Variants in ITPRIPL2 observed in about 807,000 individuals in gnomAD.
ITPRIPL2 encodes the protein ITPRIP like 2, also known as inositol 1,4,5-trisphosphate receptor-interacting protein-like 2.
In ITPRIPL2, 29 loss-of-function variants were observed where a neutral mutation model predicts 31.7. That is an observed-to-expected ratio of 0.91 (90% CI 0.68 to 1.25). The LOEUF is 1.25. ITPRIPL2 is among the 50% of genes most tolerant of loss of function. The pLI is 0.00. For missense variants in ITPRIPL2, 696 were observed against 739.1 expected (o/e 0.94, Z 0.68); for synonymous variants, 344 against 343.4 (o/e 1.00, Z -0.02).
Position 19,115,111 on chromosome 16 carries a change from C to A in ITPRIPL2, c.650C>A (p.Pro217Gln). The A allele has an allele frequency of 6.2e-7, 1 of 1,601,320 alleles. No homozygotes were observed. Among genetic ancestry groups the A allele is most frequent in the Non-Finnish European group, 8.5e-7 (1 of 1,179,888 alleles). Reference protein sequence around the residue: ...FLCALKAPPSPSGASGGHWLR... With the variant: ...FLCALKAPPSQSGASGGHWLR... ...TGCGCCCTCAAGGCACCACCCTCAC[C>A]ATCGGGGGCCTCGGGGGGCCACTGG... Residue 217 changes from proline to glutamine, a missense_variant, in exon 1 of 1, where the codon CCA becomes CAA. Transcript: ENST00000381440.
rs756894520 is a variant in ITPRIPL2, at chr16:19,118,853, G to A, written c.*2784G>A. 1.2e-4 allele frequency: 51 copies of A among 411,528 alleles called. No individual in the cohort carries two copies. Among genetic ancestry groups the A allele is most frequent in the Non-Finnish European group, 1.1e-4 (25 of 225,512 alleles). The allele number at this position is 411,528 out of a possible 1,614,324, so 25.5% of individuals were successfully genotyped here. Reference sequence around the variant, plus strand: ...TATGGCATATTAGCCAGGCATGATGGTTGCCCAAGACAGTTAAATTAAGCT... The same window carrying A: ...TATGGCATATTAGCCAGGCATGATGATTGCCCAAGACAGTTAAATTAAGCT... On this transcript the variant is annotated 3_prime_UTR_variant, in exon 1 of 1. Transcript: ENST00000381440.
Position 19,114,062 on chromosome 16 carries a change from G to C in ITPRIPL2, c.-400G>C. The C allele has an allele frequency of 2.5e-6, 1 of 397,828 alleles. No individual in the cohort carries two copies. The highest frequency in any genetic ancestry group is 4.4e-6 in the Non-Finnish European group (1 of 225,526). 24.6% of individuals were successfully genotyped at this position (397,828 alleles called of 1,614,324 possible). A position where few individuals can be genotyped will look rare whatever the true frequency, so the allele number is the denominator to read the frequency against. On this transcript the variant is annotated 5_prime_UTR_variant, in exon 1 of 1. Transcript: ENST00000381440. ...TCCCCCTCGGAAGAGGAAACTCCCGGGGTCCGAGTAACAGGGTCAGGCGCG... is the reference window on the plus strand; with the variant it reads ...TCCCCCTCGGAAGAGGAAACTCCCGCGGTCCGAGTAACAGGGTCAGGCGCG...
Position 19,115,304 on chromosome 16 carries a change from T to C in ITPRIPL2, c.843T>C (p.Gly281=). The C allele has an allele frequency of 6.2e-7, 1 of 1,613,286 alleles. No homozygotes were observed. The part of the protein sequence containing the change: ...EGRCRVTLTP[G]GLEQPPTLHI... ...GCTGTCGGGTCACCTTGACCCCAGG[T>C]GGCCTGGAACAGCCCCCCACCTTAC... The change falls in exon 1 of 1, where the codon GGT becomes GGC. Residue 281 remains glycine, a synonymous_variant. Transcript: ENST00000381440.
rs1384493198 is a variant in ITPRIPL2 at position 19,118,184 on chromosome 16, G to A, written c.*2115G>A. On this transcript the variant is annotated 3_prime_UTR_variant, in exon 1 of 1. Transcript: ENST00000381440. ...GTTGGAAGGATTATAAAGCTTTAAG[G>A]CTGGGCGTGGTGGCTCACGCCTGTA... The A allele has an allele frequency of 6.0e-6, 1 of 166,762 alleles. No homozygotes were observed. The highest frequency in any genetic ancestry group is 1.9e-4 in the East Asian group (1 of 5,196). The allele number at this position is 166,762 out of a possible 1,614,324, so 10.3% of individuals were successfully genotyped here.
In ITPRIPL2 at chr16:19,117,253, G is replaced by C. The variant is rs979878596; in HGVS notation, c.*1184G>C. 1 of 167,150 alleles carries C rather than the reference G, an allele frequency of 6.0e-6. No homozygotes were observed. The highest frequency in any genetic ancestry group is 1.5e-5 in the Non-Finnish European group (1 of 68,150). The allele number at this position is 167,150 out of a possible 1,614,324, so 10.4% of individuals were successfully genotyped here. A position where few individuals can be genotyped will look rare whatever the true frequency, so the allele number is the denominator to read the frequency against. ...TTCTTCCTTGTCCAGGCAGTCTTAC[G>C]TGGTCCAAGAGACCTGTTGATTCAG... On this transcript the variant is annotated 3_prime_UTR_variant, in exon 1 of 1. Coordinates refer to ENST00000381440, the MANE Select transcript of ITPRIPL2 (RefSeq NM_001034841.4).
chr16:19,114,885 C>G lies in ITPRIPL2; in HGVS notation c.424C>G (p.Leu142Val). The G allele has an allele frequency of 6.2e-7, 1 of 1,608,504 alleles. No individual in the cohort carries two copies. The highest frequency in any genetic ancestry group is 8.5e-7 in the Non-Finnish European group (1 of 1,178,142). ...RAGRARGSPG[L>V]IPGGALALAF... ...TGGCCGCGCCCGGGGGTCCCCCGGT[C>G]TCATTCCTGGGGGAGCGCTGGCCTT... Residue 142 changes from leucine (L) to valine (V), a missense_variant, in exon 1 of 1, where the codon CTC becomes GTC. By Grantham distance (32) the Leu-to-Val change is conservative. Coordinates refer to ENST00000381440, the MANE Select transcript of ITPRIPL2 (RefSeq NM_001034841.4).
At position 19,120,024 on chromosome 16, in the gene ITPRIPL2, C is replaced by G. The variant is rs1384064618; in HGVS notation, c.*3955C>G. 2 of 166,930 alleles carry G rather than the reference C, an allele frequency of 1.2e-5. No individual in the cohort carries two copies. The highest frequency in any genetic ancestry group is 2.9e-5 in the Non-Finnish European group (2 of 68,106). 10.3% of individuals were successfully genotyped at this position (166,930 alleles called of 1,614,324 possible). A position where few individuals can be genotyped will look rare whatever the true frequency, so the allele number is the denominator to read the frequency against. On this transcript the variant is annotated 3_prime_UTR_variant, in exon 1 of 1. Transcript: ENST00000381440. Reference sequence around the variant, plus strand: ...GTGCCTTTACAGGGATGATTGGTGGCTAGATTTGGGGTGCAAGCTTCTTAG... The same window carrying G: ...GTGCCTTTACAGGGATGATTGGTGGGTAGATTTGGGGTGCAAGCTTCTTAG...
chr16:19,115,842 G>C lies in ITPRIPL2; in HGVS notation c.1381G>C (p.Ala461Pro), dbSNP rs1596854280. The change falls in exon 1 of 1, where the codon GCG becomes CCG. Residue 461 changes from alanine (A) to proline (P), a missense_variant. Transcript: ENST00000381440. ...CCACTGCGTCCTGGGCCCTGGTGGG[G>C]CGGCTGCCGAGGTGGGTCCCCTGCC... The part of the protein sequence containing the change: ...LFHCVLGPGG[A>P]AAEVGPLPKA... The C allele has an allele frequency of 1.9e-6, 3 of 1,612,508 alleles. No individual in the cohort carries two copies. The East Asian group carries it at 6.7e-5, about 36-fold the overall frequency.
chr16:19,120,458 CAG>C lies in ITPRIPL2; in HGVS notation c.*4392_*4393del, dbSNP rs1213019897. 1 of 140,290 alleles carries C rather than the reference CAG, an allele frequency of 7.1e-6. No individual in the cohort carries two copies. The highest frequency in any genetic ancestry group is 2.1e-4 in the East Asian group (1 of 4,840). The allele number at this position is 140,290 out of a possible 1,614,324, so 8.7% of individuals were successfully genotyped here. A position where few individuals can be genotyped will look rare whatever the true frequency, so the allele number is the denominator to read the frequency against. On this transcript the variant is annotated 3_prime_UTR_variant, in exon 1 of 1. Transcript: ENST00000381440. ...TTTTCTTTTTTTTTTTTTTTCGAGA[CAG>C]AGTTTTGCTCTTGTTTTACAGGCTG...
rs1417732311 is a variant in ITPRIPL2, at chr16:19,116,671, T to C, written c.*602T>C. On this transcript the variant is annotated 3_prime_UTR_variant, in exon 1 of 1. Transcript: ENST00000381440. ...GTGCAATCACAGGTGTTTGACAAGA[T>C]TGTCAACAAGTTAAGTCACATAGAT... 6.0e-6 allele frequency: 1 copy of C among 167,112 alleles called. No individual in the cohort carries two copies. The highest frequency in any genetic ancestry group is 6.5e-5 in the Admixed American group (1 of 15,280). 10.4% of individuals were successfully genotyped at this position (167,112 alleles called of 1,614,324 possible).
rs745455674 is a variant in ITPRIPL2, at chr16:19,119,165, C to G, written c.*3096C>G. 1.0e-4 allele frequency: 43 copies of G among 412,280 alleles called. No individual in the cohort carries two copies. The highest frequency in any genetic ancestry group is 3.3e-4 in the African/African-American group (16 of 48,652). 25.5% of individuals were successfully genotyped at this position (412,280 alleles called of 1,614,324 possible). On this transcript the variant is annotated 3_prime_UTR_variant, in exon 1 of 1. Transcript: ENST00000381440. The stretch of plus-strand genomic sequence containing the variant: ...GTGGGCTGAGCGGAGATGTTTTTTG[C>G]AAAATGAAACTGAAGCTGAAAGAAA...
Position 19,116,183 on chromosome 16 carries a change from T to G in ITPRIPL2, c.*114T>G. The G allele has an allele frequency of 9.1e-7, 1 of 1,104,042 alleles. No individual in the cohort carries two copies. Among genetic ancestry groups the G allele is most frequent in the Non-Finnish European group, 1.3e-6 (1 of 769,614 alleles). 68.4% of individuals were successfully genotyped at this position (1,104,042 alleles called of 1,614,324 possible). ...AAGATTGCAGAAGGCATTGGAAAAT[T>G]TGGTGGCTGCCACAAGCTTTAGTGG... On this transcript the variant is annotated 3_prime_UTR_variant, in exon 1 of 1. Transcript: ENST00000381440.
At position 19,116,015 on chromosome 16, in the gene ITPRIPL2, G is replaced by C; in HGVS notation, c.1554G>C (p.Arg518Ser). The change falls in exon 1 of 1, where the codon AGG (arginine) becomes AGC (serine). Residue 518 changes from arginine to serine, a missense_variant. Physicochemically the swap from Arg to Ser is moderately radical, Grantham distance 110. Transcript: ENST00000381440. ...RAYGGPRYLA[R>S]CPPPRSQRTQ... ...ACGGGGGTCCCCGCTACCTTGCCAGGTGCCCCCCACCCCGGAGTCAGCGCA... is the reference window on the plus strand; with the variant it reads ...ACGGGGGTCCCCGCTACCTTGCCAGCTGCCCCCCACCCCGGAGTCAGCGCA... The C allele has an allele frequency of 6.2e-7, 1 of 1,610,268 alleles. No individual in the cohort carries two copies. Among genetic ancestry groups the C allele is most frequent in the Non-Finnish European group, 8.5e-7 (1 of 1,177,620 alleles).
chr16:19,116,021 C>T lies in ITPRIPL2; in HGVS notation c.1560C>T (p.Pro520=), dbSNP rs1245001040. The T allele has an allele frequency of 6.2e-7, 1 of 1,609,366 alleles. No individual in the cohort carries two copies. The highest frequency in any genetic ancestry group is 8.5e-7 in the Non-Finnish European group (1 of 1,177,078). ...GTCCCCGCTACCTTGCCAGGTGCCC[C>T]CCACCCCGGAGTCAGCGCACCCAGG... ...YGGPRYLARC[P]PPRSQRTQGF... Residue 520 remains proline (P), a synonymous_variant, in exon 1 of 1, where the codon CCC becomes CCT. Transcript: ENST00000381440.
Position 19,119,130 on chromosome 16 carries a change from TG to T in ITPRIPL2, c.*3063del, listed in dbSNP as rs1367494257. On this transcript the variant is annotated 3_prime_UTR_variant, in exon 1 of 1. Transcript: ENST00000381440. Reference sequence around the variant, plus strand: ...CACTGACCAGTCTTGGGAGCCTTCCTGGAATGATCGTGGGCTGAGCGGAGAT... The same window carrying T: ...CACTGACCAGTCTTGGGAGCCTTCCTGAATGATCGTGGGCTGAGCGGAGAT... 8.0e-5 allele frequency: 33 copies of T among 413,454 alleles called. No individual in the cohort carries two copies. In the East Asian group the frequency reaches 1.1e-3, roughly 14 times the overall value. The allele number at this position is 413,454 out of a possible 1,614,324, so 25.6% of individuals were successfully genotyped here.
chr16:19,115,941 G>A lies in ITPRIPL2; in HGVS notation c.1480G>A (p.Ala494Thr). The part of the protein sequence containing the change: ...FDGHARELAA[A>T]RLLSTWQRLP... ...CGGGCACGCCCGGGAACTTGCAGCAGCGCGGTTGCTGTCCACGTGGCAAAG... is the reference window on the plus strand; with the variant it reads ...CGGGCACGCCCGGGAACTTGCAGCAACGCGGTTGCTGTCCACGTGGCAAAG... The change falls in exon 1 of 1, where the codon GCG (alanine) becomes ACG (threonine). Residue 494 changes from alanine (A) to threonine (T), a missense_variant. By Grantham distance (58) the Ala-to-Thr change is moderately conservative. Transcript: ENST00000381440. 6.2e-7 allele frequency: 1 copy of A among 1,612,700 alleles called. No individual in the cohort carries two copies. The highest frequency in any genetic ancestry group is 2.2e-5 in the East Asian group (1 of 44,868).
At position 19,115,049 on chromosome 16, in the gene ITPRIPL2, G is replaced by T; in HGVS notation, c.588G>T (p.Glu196Asp). 4.4e-6 allele frequency: 7 copies of T among 1,597,810 alleles called. No homozygotes were observed. Among genetic ancestry groups the T allele is most frequent in the Non-Finnish European group, 5.9e-6 (7 of 1,178,954 alleles). ...TGGAGCCACGGAGCCTGGGCGAGGA[G>T]CCAGCGCTGGCCCCGGCCTTCCGCG... ...VALEPRSLGEEPALAPAFRGC... is the reference protein window; with the variant it reads ...VALEPRSLGEDPALAPAFRGC... The change falls in exon 1 of 1, where the codon GAG becomes GAT. Residue 196 changes from glutamate to aspartate, a missense_variant. By Grantham distance (45) the Glu-to-Asp change is conservative. Coordinates refer to ENST00000381440, the MANE Select transcript of ITPRIPL2 (RefSeq NM_001034841.4).
chr16:19,115,829 G>A lies in ITPRIPL2; in HGVS notation c.1368G>A (p.Leu456=), dbSNP rs750350729. The change falls in exon 1 of 1, where the codon CTG becomes CTA. Residue 456 remains leucine, a synonymous_variant. Transcript: ENST00000381440. ...GCCATACGCTCTTCCACTGCGTCCT[G>A]GGCCCTGGTGGGGCGGCTGCCGAGG... ...LRRHTLFHCV[L]GPGGAAAEVG... is the part of the protein sequence containing the mutation. 1.2e-6 allele frequency: 2 copies of A among 1,612,760 alleles called. No individual in the cohort carries two copies. Among genetic ancestry groups the A allele is most frequent in the South Asian group, 2.2e-5 (2 of 91,076 alleles).
In ITPRIPL2 at chr16:19,114,391, A is replaced by C; in HGVS notation, c.-71A>C. On this transcript the variant is annotated 5_prime_UTR_variant, in exon 1 of 1. An upstream start codon of the reference 5' UTR is lost. Coordinates refer to ENST00000381440, the MANE Select transcript of ITPRIPL2 (RefSeq NM_001034841.4). The stretch of plus-strand genomic sequence containing the variant: ...GCGGGGCTGCCCGGGCGCTGTGCGC[A>C]TGCTGGGCTTGGGTCGCCGCCGGGG... 1 of 1,191,228 alleles carries C rather than the reference A, an allele frequency of 8.4e-7. No homozygotes were observed. Among genetic ancestry groups the C allele is most frequent in the South Asian group, 3.3e-5 (1 of 30,760 alleles). The allele number at this position is 1,191,228 out of a possible 1,614,324, so 73.8% of individuals were successfully genotyped here. A position where few individuals can be genotyped will look rare whatever the true frequency, so the allele number is the denominator to read the frequency against.
Sources: gnomAD v4.1 joint callset for allele counts on GRCh38, gnomAD v4.1.1 for gene constraint, MANE v1.5 for transcripts, NCBI Gene and HGNC (gene_info 2026-07-23, HGNC 2026-07-21) for gene names.